RFX7: variants seen among roughly 807,000 people sequenced by gnomAD.
RFX7 encodes regulatory factor X7.
RFX7 carries 26 observed loss-of-function variants against 111.8 expected under a neutral mutation model. The ratio of observed to expected loss-of-function variants is 0.23; its 90% CI spans 0.17 to 0.32. RFX7 has a LOEUF of 0.32. Ranked by LOEUF, RFX7 falls within the 10% of genes least tolerant of loss-of-function variation. The pLI, the probability that RFX7 is intolerant of heterozygous loss-of-function variation, is 1.00. For missense variants in RFX7, 1,573 were observed against 1,772.9 expected, an observed-to-expected ratio of 0.89 and a Z score of 2.02; for synonymous variants, 624 against 624.4, an observed-to-expected ratio of 1.00 and a Z score of 0.01.
rs552929075 is a variant in RFX7 at position 56,087,401 on chromosome 15, G to A, written c.*5944C>T. The A allele has an allele frequency of 4.4e-6, 2 of 456,500 alleles. No homozygotes were observed. The highest frequency in any genetic ancestry group is 4.0e-5 in the African/African-American group (2 of 50,072). The allele number at this position is 456,500 out of a possible 1,614,324, so 28.3% of individuals were successfully genotyped here. ...TCATGCCCTGGGCTCCTTGTATCTT[G>A]TTGCTCAATCATCCTCAGCATGTGT... On this transcript the variant is annotated 3_prime_UTR_variant, in exon 10 of 10. Coordinates refer to ENST00000559447, the MANE Select transcript of RFX7 (RefSeq NM_022841.7).
At position 56,101,451 on chromosome 15, in the gene RFX7, G is replaced by T. The variant is rs1359591015; in HGVS notation, c.719C>A (p.Thr240Asn). 6.2e-6 allele frequency: 10 copies of T among 1,613,464 alleles called. No individual in the cohort carries two copies. The highest frequency in any genetic ancestry group is 5.3e-5 in the African/African-American group (4 of 74,866). Residue 240 changes from threonine (T) to asparagine (N), a missense_variant, in exon 8 of 10, where the codon ACC becomes AAC. Physicochemically the swap from Thr to Asn is moderately conservative, Grantham distance 65 (BLOSUM62 0). This residue lies in a region of RFX7 where 288 missense variants were observed against 337.9 expected (regional missense o/e 0.85). Transcript: ENST00000559447. Reference protein sequence around the residue: ...AQKVLSQPFDTVLELARFLVK... With the variant: ...AQKVLSQPFDNVLELARFLVK... Reference sequence around the variant, plus strand: ...AAGGAAGCGGGCTAATTCCAAGACGGTGTCAAATGGTTGGCTTAACACTTT... The same window carrying T: ...AAGGAAGCGGGCTAATTCCAAGACGTTGTCAAATGGTTGGCTTAACACTTT...
In RFX7 at chr15:56,095,950, G is replaced by A. The variant is rs2041670582; in HGVS notation, c.1778C>T (p.Thr593Ile). 1.2e-6 allele frequency: 2 copies of A among 1,607,934 alleles called. No homozygotes were observed. The highest frequency in any genetic ancestry group is 1.7e-6 in the Non-Finnish European group (2 of 1,179,714). ...TTTGGTCCTCTGGTCACAGACCTTAGTTGCTTTTATTTCAATGACACCTTC... is the reference window on the plus strand; with the variant it reads ...TTTGGTCCTCTGGTCACAGACCTTAATTGCTTTTATTTCAATGACACCTTC... ...SNEGVIEIKA[T>I]KVCDQRTKCK... The change falls in exon 10 of 10, where the codon ACT (threonine) becomes ATT (isoleucine). Residue 593 changes from threonine (T) to isoleucine (I), a missense_variant. Physicochemically the swap from Thr to Ile is moderately conservative, Grantham distance 89. This residue lies in a region of RFX7 where 625 missense variants were observed against 632.2 expected (regional missense o/e 0.99). Coordinates refer to ENST00000559447, the MANE Select transcript of RFX7 (RefSeq NM_022841.7).
chr15:56,163,171 C>T (rs1280741867), intron 3 of RFX7, among the ~76,000 whole-genome samples: 11 of 152,090 alleles, frequency 7.2e-5, no homozygotes, highest in Admixed American at 2.0e-4. Context: ...AGCATGCTTT[C>T]TCTTGTAAAG....
chr15:56,094,732 T>C lies in RFX7; in HGVS notation c.2996A>G (p.His999Arg). 6.2e-7 allele frequency: 1 copy of C among 1,613,852 alleles called. No homozygotes were observed. Among genetic ancestry groups the C allele is most frequent in the Non-Finnish European group, 8.5e-7 (1 of 1,179,856 alleles). Residue 999 changes from histidine (H) to arginine (R), a missense_variant, in exon 10 of 10, where the codon CAT (histidine) becomes CGT (arginine). Physicochemically the swap from His to Arg is conservative, Grantham distance 29. This residue lies in a region of RFX7 where 625 missense variants were observed against 632.2 expected (regional missense o/e 0.99). Transcript: ENST00000559447. ...PVDSALGSSR[H>R]TPIGTPHSNC... ...AGAATGTGGAGTACCAATGGGTGTA[T>C]GTCGGCTACTTCCTAAAGCACTATC...
chr15:56,152,366 G>T (rs2042582554), intron 3 of RFX7, among the ~76,000 whole-genome samples: 2 of 152,162 alleles, frequency 1.3e-5, no homozygotes. Flanking sequence ...CCAGACCACA[G>T]TGCAATCAAA....
At chr15:56,204,828 C>G (rs1192126523) in intron 2 of RFX7, among the ~76,000 whole-genome samples, 2 of 152,090 alleles carry the variant, frequency 1.3e-5, no homozygotes, top group African/African-American at 4.8e-5. Flanking sequence ...GGTCATGCAC[C>G]TTACTCTAAA....
At chr15:56,183,836 T>A (rs1286199829) in intron 2 of RFX7, among the ~76,000 whole-genome samples, 1 of 152,204 alleles carries the variant, frequency 6.6e-6, no homozygotes, top group Non-Finnish European at 1.5e-5. Context: ...TGCATTTTTT[T>A]AATCTGTCCT....
At chr15:56,097,746 C>A (rs1433257690) in intron 9 of RFX7, among the ~76,000 whole-genome samples, 40 of 47,326 alleles carry the variant, frequency 8.5e-4, no homozygotes, top group African/African-American at 2.4e-3. Context: ...GACTCTGTCT[C>A]AAAAAAAAAA....
chr15:56,178,141 A>G (rs2042922524), intron 3 of RFX7, among the ~76,000 whole-genome samples: 1 of 149,922 alleles, frequency 6.7e-6, no homozygotes, highest in Non-Finnish European at 1.5e-5. Context: ...ATAAGACAAA[A>G]AAAAAAACTC....
At position 56,090,806 on chromosome 15, in the gene RFX7, C is replaced by T. The variant is rs2041587596; in HGVS notation, c.*2539G>A. The T allele has an allele frequency of 6.6e-6, 1 of 152,548 alleles. No homozygotes were observed. Among genetic ancestry groups the T allele is most frequent in the East Asian group, 1.9e-4 (1 of 5,200 alleles). 9.4% of individuals were successfully genotyped at this position (152,548 alleles called of 1,614,324 possible). On this transcript the variant is annotated 3_prime_UTR_variant, in exon 10 of 10. Transcript: ENST00000559447. Reference sequence around the variant, plus strand: ...CTCAGAAGCACTGCACAAAAAAACACTTTCCTTCTTTTCAGTTCAAAAGTC... The same window carrying T: ...CTCAGAAGCACTGCACAAAAAAACATTTTCCTTCTTTTCAGTTCAAAAGTC...
At chr15:56,163,312 G>T (rs1423603005) in intron 3 of RFX7, among the ~76,000 whole-genome samples, 1 of 152,130 alleles carries the variant, frequency 6.6e-6, no homozygotes, top group African/African-American at 2.4e-5. Context: ...CAAATTTATT[G>T]CTGGGAGTGT....
At chr15:56,116,023 T>C (rs1310531916) in intron 5 of RFX7, among the ~76,000 whole-genome samples, 2 of 152,154 alleles carry the variant, frequency 1.3e-5, no homozygotes, top group African/African-American at 2.4e-5. Flanking sequence ...AGATTAAGAA[T>C]TAACAAACAT....
chr15:56,230,259 T>C (rs2043535862), intron 2 of RFX7, among the ~76,000 whole-genome samples: 1 of 152,238 alleles, frequency 6.6e-6, no homozygotes, highest in Admixed American at 6.5e-5. Context: ...TGCTGAACCA[T>C]GTGGTAGTCA....
chr15:56,183,101 G>C (rs1435440567), intron 2 of RFX7, among the ~76,000 whole-genome samples: 2 of 151,826 alleles, frequency 1.3e-5, no homozygotes, highest in Non-Finnish European at 2.9e-5. Flanking sequence ...TCAATTACTA[G>C]CAATGTTGTG....
At chr15:56,175,125 GTTACA>G (rs1336408622) in intron 3 of RFX7, among the ~76,000 whole-genome samples, 1 of 151,978 alleles carries the variant, frequency 6.6e-6, no homozygotes, top group Non-Finnish European at 1.5e-5. Flanking sequence ...AAGTTTGCAG[GTTACA>G]AGATCACTAT....
rs546916627 is a variant in RFX7 at position 56,094,181 on chromosome 15, A to G, written c.3547T>C (p.Tyr1183His). Residue 1183 changes from tyrosine (Y) to histidine (H), a missense_variant, in exon 10 of 10, where the codon TAT becomes CAT. Coordinates refer to ENST00000559447, the MANE Select transcript of RFX7 (RefSeq NM_022841.7). Reference sequence around the variant, plus strand: ...GATCGTGGGATATTAGATACTGGATAGAGGGTGCTTCCACTAAGATTACGT... The same window carrying G: ...GATCGTGGGATATTAGATACTGGATGGAGGGTGCTTCCACTAAGATTACGT... ...RQRNLSGSTL[Y>H]PVSNIPRSNV... 4.6e-5 allele frequency: 74 copies of G among 1,613,974 alleles called. No individual in the cohort carries two copies. The South Asian group carries it at 8.0e-4, about 17-fold the overall frequency.
Position 56,121,737 on chromosome 15 carries a change from C to T in RFX7, c.402-18067G>A, listed in dbSNP as rs546392756. 2.0e-5 allele frequency among the ~76,000 whole-genome samples: 3 copies of T among 151,968 alleles called. No homozygotes were observed. In the South Asian group the frequency reaches 6.2e-4, roughly 32 times the overall value. On this transcript the variant is annotated intron_variant, in intron 5 of 9. Coordinates refer to ENST00000559447, the MANE Select transcript of RFX7 (RefSeq NM_022841.7). ...TTTTTTTTATTGTTTTTTTGTCTCC[C>T]TCTGACTGTGTATGTTCAAATAACC...
intron 8 of RFX7, 30 bp from the exon 9 acceptor site, chr15:56,098,406 T>C: frequency 6.5e-7 from 1 of 1,548,410 alleles, no homozygotes; most frequent in Admixed American, 2.1e-5. Flanking sequence ...AAAGCTGCAA[T>C]AAATACTCTC....
intron 4 of RFX7, 33 bp from the exon 5 acceptor site, chr15:56,142,933 G>C: frequency 6.2e-7 from 1 of 1,609,838 alleles, no homozygotes; most frequent in Non-Finnish European, 8.5e-7. Context: ...TAGCTGACCA[G>C]ACAGCAATTC....
Sources: allele counts gnomAD v4.1 joint callset (sites outside exome capture counted in the v4.1 genomes callset), GRCh38; gene constraint gnomAD v4.1.1; regional missense constraint gnomAD v4.1.1; transcripts MANE v1.5; gene names NCBI Gene and HGNC (gene_info 2026-07-23, HGNC 2026-07-21).